BTRC: variants seen among roughly 807,000 people sequenced by gnomAD.
The protein encoded by BTRC is F-box/WD repeat-containing protein 1A.
A neutral mutation model predicts 85.5 loss-of-function variants in BTRC; 42 were observed. The ratio of observed to expected loss-of-function variants is 0.49; its 90% CI spans 0.38 to 0.64. The LOEUF is 0.64. Among genes scored for constraint, BTRC ranks in the 30% least tolerant of loss-of-function variants. BTRC has a pLI of 0.00. For missense variants in BTRC, 594 were observed against 743.5 expected, an observed-to-expected ratio of 0.80 and a Z score of 2.34; for synonymous variants, 255 against 263.3, an observed-to-expected ratio of 0.97 and a Z score of 0.30.
chr10:101,457,206 G>A (rs965219755), intron 2 of BTRC, among the ~76,000 whole-genome samples: 3 of 152,196 alleles, frequency 2.0e-5, no homozygotes, highest in Non-Finnish European at 2.9e-5. Context: ...GATGATGTGA[G>A]ACAGTAAAAT....
chr10:101,482,599 G>A (rs919686137), intron 4 of BTRC, among the ~76,000 whole-genome samples: 10 of 151,368 alleles, frequency 6.6e-5, no homozygotes, highest in Admixed American at 1.3e-4. Context: ...GTTTCACCGC[G>A]TTGGCCGGGA....
intron 3 of BTRC, among the ~76,000 whole-genome samples, chr10:101,468,909 A>G (rs769630257): frequency 6.6e-6 from 1 of 152,142 alleles, no homozygotes; most frequent in African/African-American, 2.4e-5. Context: ...AGATAATCCT[A>G]TGTCATTGAA....
At chr10:101,472,321 T>TCTCTTCTCTC in intron 3 of BTRC, among the ~76,000 whole-genome samples, 1 of 149,352 alleles carries the variant, frequency 6.7e-6, no homozygotes, top group Non-Finnish European at 1.5e-5. Flanking sequence ...TCTCTTCTCT[T>TCTCTTCTCTC]CTCTCTCTTC....
intron 4 of BTRC, among the ~76,000 whole-genome samples, chr10:101,502,497 A>G (rs1032790104): frequency 6.6e-6 from 1 of 152,148 alleles, no homozygotes; most frequent in Admixed American, 6.5e-5. Context: ...TTCATGAAAC[A>G]TTAACCTACT....
chr10:101,445,553 C>A (rs1363930653), intron 2 of BTRC, among the ~76,000 whole-genome samples: 1 of 152,302 alleles, frequency 6.6e-6, no homozygotes, highest in Admixed American at 6.5e-5. Flanking sequence ...AGAATCAACT[C>A]TTCAGTGTAT....
intron 4 of BTRC, among the ~76,000 whole-genome samples, chr10:101,510,143 AAAAAG>A (rs1219786333): frequency 2.6e-5 from 4 of 151,758 alleles, no homozygotes; most frequent in Admixed American, 6.6e-5. Flanking sequence ...AAAAAAAGAA[AAAAAG>A]AAAAGAAAAA....
chr10:101,390,431 G>A lies in BTRC; in HGVS notation c.48+36203G>A, dbSNP rs867211159. Among the ~76,000 whole-genome samples, 22 of 150,344 alleles carry A rather than the reference G, an allele frequency of 1.5e-4. 1 individual carries two copies. Among genetic ancestry groups the A allele is most frequent in the Admixed American group, 6.7e-5 (1 of 14,980 alleles). On this transcript the variant is annotated intron_variant, in intron 1 of 14. Coordinates refer to ENST00000370187, the MANE Select transcript of BTRC (RefSeq NM_033637.4). ...CTGCTCACTGCAAGCTTCGCCTCCC[G>A]GGTTCACGCCATTCTCCTGCCTCAG...
intron 4 of BTRC, among the ~76,000 whole-genome samples, chr10:101,512,891 A>G (rs140024589): frequency 6.6e-6 from 1 of 152,184 alleles, no homozygotes; most frequent in Admixed American, 6.5e-5. Context: ...GGTGGCAGAA[A>G]TTTAGTGTTA....
chr10:101,458,034 C>T (rs1945126103), intron 2 of BTRC, among the ~76,000 whole-genome samples: 1 of 152,044 alleles, frequency 6.6e-6, no homozygotes, highest in African/African-American at 2.4e-5. Flanking sequence ...ACGTAATGTT[C>T]CATCCCCCCT....
At chr10:101,488,978 A>G (rs904128576) in intron 4 of BTRC, among the ~76,000 whole-genome samples, 1 of 152,140 alleles carries the variant, frequency 6.6e-6, no homozygotes, top group Non-Finnish European at 1.5e-5. Context: ...CAGTGCTAAG[A>G]TACTGCATTT....
At chr10:101,385,599 T>C in intron 1 of BTRC, among the ~76,000 whole-genome samples, 1 of 138,890 alleles carries the variant, frequency 7.2e-6, no homozygotes, top group Non-Finnish European at 1.5e-5. Context: ...ATTTTCTTTG[T>C]TCTTTCTTTC....
intron 13 of BTRC, among the ~76,000 whole-genome samples, chr10:101,549,550 T>TA (rs770181303): frequency 6.7e-6 from 1 of 149,874 alleles, no homozygotes; most frequent in Admixed American, 6.6e-5. Flanking sequence ...CCGTCTCTAC[T>TA]AAAAATACAA....
chr10:101,540,407 T>C (rs1453704193), intron 13 of BTRC, among the ~76,000 whole-genome samples: 1 of 152,212 alleles, frequency 6.6e-6, no homozygotes, highest in African/African-American at 2.4e-5. Flanking sequence ...TTTTGCAGCT[T>C]TGTCAAAAAT....
chr10:101,548,269 G>T (rs1336469656), intron 13 of BTRC, among the ~76,000 whole-genome samples: 3 of 152,116 alleles, frequency 2.0e-5, no homozygotes. Flanking sequence ...CAAAAGACAC[G>T]TACATAAATG....
At chr10:101,418,430 A>G (rs1257543910) in intron 1 of BTRC, among the ~76,000 whole-genome samples, 2 of 152,142 alleles carry the variant, frequency 1.3e-5, no homozygotes, top group African/African-American at 4.8e-5. Context: ...AGTGAGTTGT[A>G]TTTAAACTTT....
chr10:101,434,226 A>C (rs1048418907), intron 2 of BTRC, among the ~76,000 whole-genome samples: 4 of 152,194 alleles, frequency 2.6e-5, no homozygotes, highest in Admixed American at 2.6e-4. Flanking sequence ...TTGAAAGGGA[A>C]AGATATTTTA....
intron 3 of BTRC, among the ~76,000 whole-genome samples, chr10:101,468,573 T>G (rs554888665): frequency 6.6e-6 from 1 of 152,262 alleles, no homozygotes; most frequent in South Asian, 2.1e-4. Context: ...AGATATTGCT[T>G]TTTGGTTTGC....
intron 1 of BTRC, among the ~76,000 whole-genome samples, chr10:101,396,394 T>C (rs952640901): frequency 6.6e-6 from 1 of 150,996 alleles, no homozygotes; most frequent in African/African-American, 2.4e-5. Flanking sequence ...AAAACTTGAA[T>C]GGGAGGTGAA....
intron 1 of BTRC, among the ~76,000 whole-genome samples, chr10:101,424,256 G>GT (rs974811517): frequency 2.0e-5 from 3 of 152,010 alleles, no homozygotes; most frequent in African/African-American, 7.2e-5. Flanking sequence ...AAGAATCCTT[G>GT]TTTTAGTTTT....
Sources: gnomAD v4.1 joint callset for allele counts (sites outside exome capture counted in the v4.1 genomes callset) on GRCh38, gnomAD v4.1.1 for gene constraint, MANE v1.5 for transcripts, NCBI Gene and HGNC (gene_info 2026-07-23, HGNC 2026-07-21) for gene names.